The following SLC35E3 variants were observed in gnomAD, a reference collection of about 807,000 sequenced individuals.
The protein encoded by SLC35E3 is bladder cancer-overexpressed gene 1 protein.
SLC35E3 carries 28 observed loss-of-function variants against 30.8 expected under a neutral mutation model. The ratio of observed to expected loss-of-function variants is 0.91; its 90% CI spans 0.67 to 1.25. The LOEUF is 1.25. Among genes scored for constraint, SLC35E3 ranks in the 50% most tolerant of loss-of-function variants. The pLI is 0.00. For missense variants in SLC35E3, 365 were observed against 375.4 expected, an observed-to-expected ratio of 0.97 and a Z score of 0.23; for synonymous variants, 146 against 149.2, an observed-to-expected ratio of 0.98 and a Z score of 0.16.
chr12:68,764,895 G>A lies in SLC35E3; in HGVS notation c.*5G>A, dbSNP rs373702639. 5.2e-4 allele frequency: 843 copies of A among 1,609,502 alleles called. No individual in the cohort carries two copies. Among genetic ancestry groups the A allele is most frequent in the Non-Finnish European group, 7.0e-4 (820 of 1,177,424 alleles). On this transcript the variant is annotated 3_prime_UTR_variant, in exon 5 of 5. Transcript: ENST00000398004. ...AAACTGGCACAACGTCCTTAATTGG[G>A]TTTTTGTGGAGAAAAGAATGTTGTC...
chr12:68,746,851 C>T, intron 1 of SLC35E3, 72 bp downstream of exon 1: 2 of 1,421,394 alleles, frequency 1.4e-6, no homozygotes, highest in Non-Finnish European at 1.9e-6. Flanking sequence ...GAAATTCGAA[C>T]GCACACTGGT....
intron 3 of SLC35E3, among the ~76,000 whole-genome samples, chr12:68,756,207 A>C (rs1018747611): frequency 6.6e-6 from 1 of 151,518 alleles, no homozygotes; most frequent in East Asian, 1.9e-4. Flanking sequence ...GTTTCAAACC[A>C]TTGCAGCCTA....
chr12:68,754,978 T>G (rs1878949875), intron 3 of SLC35E3, among the ~76,000 whole-genome samples: 1 of 152,176 alleles, frequency 6.6e-6, no homozygotes, highest in African/African-American at 2.4e-5. Context: ...CAACAAATAC[T>G]CATTTCTCAC....
chr12:68,759,913 T>A (rs1395172258), intron 4 of SLC35E3: 1 of 152,224 alleles, frequency 6.6e-6, no homozygotes, highest in Non-Finnish European at 1.5e-5. Flanking sequence ...GTATTTCTAG[T>A]AACAAAGTAG....
Position 68,756,967 on chromosome 12 carries a change from A to G in SLC35E3, c.673-2190A>G, listed in dbSNP as rs147672902. On this transcript the variant is annotated intron_variant, in intron 3 of 4. Coordinates refer to ENST00000398004, the MANE Select transcript of SLC35E3 (RefSeq NM_018656.5). ...GAGGCGGAGCTTGCAGTGAGCCGAGATCGTGCCACTGCACTCCAGCCTGGG... is the reference window on the plus strand; with the variant it reads ...GAGGCGGAGCTTGCAGTGAGCCGAGGTCGTGCCACTGCACTCCAGCCTGGG... Among the ~76,000 whole-genome samples, 846 of 152,364 alleles carry G rather than the reference A, an allele frequency of 5.6e-3. 4 individuals are homozygous for G. The highest frequency in any genetic ancestry group is 0.017 in the African/African-American group (719 of 41,582).
chr12:68,758,729 CTTTTTT>C (rs776771224), intron 3 of SLC35E3, among the ~76,000 whole-genome samples: 10 of 48,420 alleles, frequency 2.1e-4, no homozygotes, highest in South Asian at 1.4e-3. Flanking sequence ...AATTCTCTTT[CTTTTTT>C]TTTTTTTTTT....
chr12:68,769,002 G>A lies in SLC35E3; in HGVS notation c.*4112G>A, dbSNP rs550879102. The A allele has an allele frequency of 6.6e-6, 1 of 152,280 alleles. No homozygotes were observed. The highest frequency in any genetic ancestry group is 1.9e-4 in the East Asian group (1 of 5,178). 9.4% of individuals were successfully genotyped at this position (152,280 alleles called of 1,614,324 possible). ...CACGCCTGTAATCCCAGCACTTTGGGAAGCTGAGGTGGGCAGATCACCTGA... is the reference window on the plus strand; with the variant it reads ...CACGCCTGTAATCCCAGCACTTTGGAAAGCTGAGGTGGGCAGATCACCTGA... On this transcript the variant is annotated 3_prime_UTR_variant, in exon 5 of 5. Transcript: ENST00000398004.
chr12:68,755,839 A>G (rs1247759290), intron 3 of SLC35E3, among the ~76,000 whole-genome samples: 2 of 152,218 alleles, frequency 1.3e-5, no homozygotes, highest in East Asian at 1.9e-4. Context: ...AACACCTTCT[A>G]CTAGGCCTCA....
intron 4 of SLC35E3, among the ~76,000 whole-genome samples, chr12:68,762,881 G>A (rs749419931): frequency 2.0e-5 from 3 of 152,198 alleles, no homozygotes; most frequent in Admixed American, 1.3e-4. Flanking sequence ...CTGCTGCCCA[G>A]CGGGAACCTC....
At chr12:68,760,608 A>G (rs957407061) in intron 4 of SLC35E3, among the ~76,000 whole-genome samples, 1 of 152,180 alleles carries the variant, frequency 6.6e-6, no homozygotes, top group African/African-American at 2.4e-5. Flanking sequence ...CCAAATTTGT[A>G]CATCATACTA....
At chr12:68,750,416 T>A (rs1320660379) in intron 2 of SLC35E3, among the ~76,000 whole-genome samples, 1 of 152,178 alleles carries the variant, frequency 6.6e-6, no homozygotes, top group African/African-American at 2.4e-5. Flanking sequence ...TAAAAACTGT[T>A]AAGTGCAGGA....
At position 68,772,479 on chromosome 12, in the gene SLC35E3, C is replaced by G. The variant is rs540719578; in HGVS notation, c.*7589C>G. 1.2e-4 allele frequency: 19 copies of G among 152,176 alleles called. No individual in the cohort carries two copies. The highest frequency in any genetic ancestry group is 4.1e-4 in the African/African-American group (17 of 41,520). 9.4% of individuals were successfully genotyped at this position (152,176 alleles called of 1,614,324 possible). A position where few individuals can be genotyped will look rare whatever the true frequency, so the allele number is the denominator to read the frequency against. ...GAAGATAGGATTTCTTCTGATGTAT[C>G]GAAGTTACTTTATACTTCATATGAA... On this transcript the variant is annotated 3_prime_UTR_variant, in exon 5 of 5. Coordinates refer to ENST00000398004, the MANE Select transcript of SLC35E3 (RefSeq NM_018656.5).
rs568759293 is a variant in SLC35E3 at position 68,748,048 on chromosome 12, A to AT, written c.513+17dup. On this transcript the variant is annotated intron_variant, in intron 2 of 4. Coordinates refer to ENST00000398004, the MANE Select transcript of SLC35E3 (RefSeq NM_018656.5). ...ACATCCCTTTATCAAGTGGTTGGTA[A>AT]TTTTTTTTTCTTTATGTGCCTTTTT... The AT allele has an allele frequency of 5.0e-4, 764 of 1,515,970 alleles. No individual in the cohort carries two copies. The highest frequency in any genetic ancestry group is 5.8e-4 in the Non-Finnish European group (641 of 1,101,806). The allele number at this position is 1,515,970 out of a possible 1,614,324, so 93.9% of individuals were successfully genotyped here.
At position 68,776,228 on chromosome 12, in the gene SLC35E3, G is replaced by A. The variant is rs1592552209; in HGVS notation, c.*11338G>A. 2.6e-5 allele frequency: 1 copy of A among 38,036 alleles called. No individual in the cohort carries two copies. Among genetic ancestry groups the A allele is most frequent in the African/African-American group, 1.0e-4 (1 of 9,816 alleles). The allele number at this position is 38,036 out of a possible 1,614,324, so 2.4% of individuals were successfully genotyped here. A position where few individuals can be genotyped will look rare whatever the true frequency, so the allele number is the denominator to read the frequency against. The stretch of plus-strand genomic sequence containing the variant: ...TCTGTCTCACAAAAAAAAAAAAAAG[G>A]CCAGGCATGATGACTCACGCCTGTA... On this transcript the variant is annotated 3_prime_UTR_variant, in exon 5 of 5. Coordinates refer to ENST00000398004, the MANE Select transcript of SLC35E3 (RefSeq NM_018656.5).
At chr12:68,751,954 G>T in intron 2 of SLC35E3, 78 bp from the exon 3 acceptor site, 2 of 1,369,130 alleles carry the variant, frequency 1.5e-6, no homozygotes, top group Non-Finnish European at 2.0e-6. Flanking sequence ...TCCCATCTTT[G>T]TGACTCTAGT....
In SLC35E3 at chr12:68,772,598, A is replaced by G. The variant is rs1270894426; in HGVS notation, c.*7708A>G. Reference sequence around the variant, plus strand: ...TGCTGCTTTTAATTTGGAAAGCAGCATATCACTCAAACTATAGTAATTCAC... The same window carrying G: ...TGCTGCTTTTAATTTGGAAAGCAGCGTATCACTCAAACTATAGTAATTCAC... On this transcript the variant is annotated 3_prime_UTR_variant, in exon 5 of 5. Coordinates refer to ENST00000398004, the MANE Select transcript of SLC35E3 (RefSeq NM_018656.5). The G allele has an allele frequency of 2.6e-5, 4 of 152,222 alleles. No individual in the cohort carries two copies. Among genetic ancestry groups the G allele is most frequent in the African/African-American group, 7.2e-5 (3 of 41,456 alleles). 9.4% of individuals were successfully genotyped at this position (152,222 alleles called of 1,614,324 possible).
rs1264769548 is a variant in SLC35E3 at position 68,777,662 on chromosome 12, C to T, written c.*12772C>T. 1 of 152,240 alleles carries T rather than the reference C, an allele frequency of 6.6e-6. No individual in the cohort carries two copies. The highest frequency in any genetic ancestry group is 1.5e-5 in the Non-Finnish European group (1 of 68,058). The allele number at this position is 152,240 out of a possible 1,614,324, so 9.4% of individuals were successfully genotyped here. A position where few individuals can be genotyped will look rare whatever the true frequency, so the allele number is the denominator to read the frequency against. ...TCCCCACCCTCAGGTGTCAGAGAAT[C>T]AGAGGAAGTCATGCTGCTTATCTAG... On this transcript the variant is annotated 3_prime_UTR_variant, in exon 5 of 5. Transcript: ENST00000398004.
rs1879840464 is a variant in SLC35E3 at position 68,779,986 on chromosome 12, T to A, written c.*15096T>A. ...AAAATAAGTGGATAAATATGGGTTA[T>A]GCTGTGAAGCATAGAGGGAGGGATG... On this transcript the variant is annotated 3_prime_UTR_variant, in exon 5 of 5. Coordinates refer to ENST00000398004, the MANE Select transcript of SLC35E3 (RefSeq NM_018656.5). 1 of 152,130 alleles carries A rather than the reference T, an allele frequency of 6.6e-6. No individual in the cohort carries two copies. The highest frequency in any genetic ancestry group is 2.4e-5 in the African/African-American group (1 of 41,420). 9.4% of individuals were successfully genotyped at this position (152,130 alleles called of 1,614,324 possible).
rs1216214859 is a variant in SLC35E3 at position 68,773,384 on chromosome 12, C to T, written c.*8494C>T. On this transcript the variant is annotated 3_prime_UTR_variant, in exon 5 of 5. Transcript: ENST00000398004. ...CTCATCCGACTCGTCAAGTCTTTCTCTGCTTGGAGTTTTGTTTTGTTTTTA... is the reference window on the plus strand; with the variant it reads ...CTCATCCGACTCGTCAAGTCTTTCTTTGCTTGGAGTTTTGTTTTGTTTTTA... The T allele has an allele frequency of 6.6e-6, 1 of 152,032 alleles. No homozygotes were observed. Among genetic ancestry groups the T allele is most frequent in the Non-Finnish European group, 1.5e-5 (1 of 68,080 alleles). 9.4% of individuals were successfully genotyped at this position (152,032 alleles called of 1,614,324 possible).
Sources: allele counts gnomAD v4.1 joint callset (sites outside exome capture counted in the v4.1 genomes callset), GRCh38; gene constraint gnomAD v4.1.1; transcripts MANE v1.5; gene names NCBI Gene and HGNC (gene_info 2026-07-23, HGNC 2026-07-21).